The following ARHGEF28 variants were observed in gnomAD, a reference collection of about 807,000 sequenced individuals.
ARHGEF28 encodes Rho guanine nucleotide exchange factor 28.
ARHGEF28 carries 152 observed loss-of-function variants against 206.6 expected under a neutral mutation model. That is an observed-to-expected ratio of 0.74 (90% CI 0.64 to 0.84). ARHGEF28 has a LOEUF of 0.84. Among genes scored for constraint, ARHGEF28 ranks in the 40% least tolerant of loss-of-function variants. The pLI is 0.00. For synonymous variants in ARHGEF28, 763 were observed against 776.4 expected (o/e 0.98, Z 0.29); for missense variants, 2,028 against 2,073.2 (o/e 0.98, Z 0.42).
In ARHGEF28 at chr5:73,858,488, C is replaced by T. The variant is rs1759193263; in HGVS notation, c.2047+269C>T. ...TTACATCTCCCCATTCTGTGCTCAC[C>T]TAAAAGCTGATGCTCTCGGCCTTTA... On this transcript the variant is annotated intron_variant, in intron 16 of 35. Coordinates refer to ENST00000513042, the MANE Select transcript of ARHGEF28 (RefSeq NM_001177693.2). Among the ~76,000 whole-genome samples, 3 of 152,226 alleles carry T rather than the reference C, an allele frequency of 2.0e-5. No homozygotes were observed. In the South Asian group the frequency reaches 6.2e-4, roughly 32 times the overall value.
intron 9 of ARHGEF28, among the ~76,000 whole-genome samples, chr5:73,818,715 C>A (rs1306023477): frequency 6.6e-6 from 1 of 152,198 alleles, no homozygotes; most frequent in Non-Finnish European, 1.5e-5. Flanking sequence ...TAGTTGCATA[C>A]CCTCAAAGCT....
intron 9 of ARHGEF28, among the ~76,000 whole-genome samples, chr5:73,798,948 G>A (rs568394804): frequency 3.9e-5 from 6 of 152,188 alleles, no homozygotes; most frequent in South Asian, 4.1e-4. Context: ...TTAGCCAGGC[G>A]TGGTGGCGCA....
At chr5:73,741,345 G>C (rs1387566725) in intron 2 of ARHGEF28, among the ~76,000 whole-genome samples, 6 of 36,906 alleles carry the variant, frequency 1.6e-4, no homozygotes, top group African/African-American at 6.1e-4. Context: ...ATTTATATGT[G>C]TGTGTGTGTG....
intron 35 of ARHGEF28, among the ~76,000 whole-genome samples, chr5:73,934,422 T>A (rs1186436796): frequency 6.6e-6 from 1 of 152,266 alleles, no homozygotes; most frequent in African/African-American, 2.4e-5. Flanking sequence ...CTTGATCTGT[T>A]GTAAAGTTTC....
chr5:73,771,848 A>G (rs1320124650), intron 4 of ARHGEF28, among the ~76,000 whole-genome samples: 2 of 152,216 alleles, frequency 1.3e-5, no homozygotes, highest in Non-Finnish European at 2.9e-5. Flanking sequence ...AATAGCTAAC[A>G]TAGTTTTTTA....
intron 24 of ARHGEF28, 92 bp downstream of exon 24, chr5:73,883,976 T>A (rs1761111936): frequency 1.6e-6 from 1 of 635,026 alleles, no homozygotes; most frequent in African/African-American, 2.0e-5. Flanking sequence ...GTTTGTGGTC[T>A]CTGATTCATA....
intron 21 of ARHGEF28, among the ~76,000 whole-genome samples, chr5:73,872,563 TTTC>T (rs1404039115): frequency 1.3e-5 from 2 of 152,202 alleles, no homozygotes; most frequent in African/African-American, 4.8e-5. Context: ...ATTGAAGAAC[TTTC>T]TTTAGTTCCA....
At chr5:73,764,857 T>C (rs1006725234) in intron 4 of ARHGEF28, among the ~76,000 whole-genome samples, 7 of 152,220 alleles carry the variant, frequency 4.6e-5, no homozygotes, top group Non-Finnish European at 1.0e-4. Flanking sequence ...GAGCTCTGAG[T>C]AGGCTGTGTA....
intron 22 of ARHGEF28, among the ~76,000 whole-genome samples, chr5:73,880,637 G>T (rs186831382): frequency 6.6e-6 from 1 of 152,262 alleles, no homozygotes; most frequent in East Asian, 1.9e-4. Context: ...TTTTAAAAAA[G>T]GATTTACAGT....
chr5:73,808,635 A>G (rs1755653492), intron 9 of ARHGEF28, among the ~76,000 whole-genome samples: 1 of 152,226 alleles, frequency 6.6e-6, no homozygotes, highest in Non-Finnish European at 1.5e-5. Context: ...GATGAAGCAT[A>G]TATTTAAGTT....
At chr5:73,904,611 C>T (rs1431982791) in intron 33 of ARHGEF28, 1 of 566,236 alleles carries the variant, frequency 1.8e-6, no homozygotes, top group Non-Finnish European at 3.1e-6. Context: ...CCATTCTTCT[C>T]TGAAATCATA....
chr5:73,770,491 C>T (rs575887705), intron 4 of ARHGEF28, among the ~76,000 whole-genome samples: 1 of 152,308 alleles, frequency 6.6e-6, no homozygotes, highest in South Asian at 2.1e-4. Flanking sequence ...TACATTAGTT[C>T]AAATAACTCC....
chr5:73,711,820 A>T (rs1202263573), intron 2 of ARHGEF28, among the ~76,000 whole-genome samples: 1 of 148,644 alleles, frequency 6.7e-6, no homozygotes, highest in Admixed American at 6.7e-5. Flanking sequence ...TCTTTGTGCC[A>T]TTTTTTTCCA....
chr5:73,698,333 A>C (rs1039661370), intron 2 of ARHGEF28, among the ~76,000 whole-genome samples: 3 of 152,284 alleles, frequency 2.0e-5, no homozygotes, highest in Admixed American at 1.3e-4. Context: ...CACCAAGAAC[A>C]CTTTGGATAA....
chr5:73,710,292 TC>T (rs1444846517), intron 2 of ARHGEF28, among the ~76,000 whole-genome samples: 13 of 152,310 alleles, frequency 8.5e-5, no homozygotes, highest in Admixed American at 2.0e-4. Context: ...AATTTGCACT[TC>T]CCTAGTGAAC....
chr5:73,885,399 T>C (rs1177043882), intron 24 of ARHGEF28, among the ~76,000 whole-genome samples: 1 of 152,094 alleles, frequency 6.6e-6, no homozygotes, highest in East Asian at 1.9e-4. Context: ...CATTTAATCA[T>C]GCAAACCTTT....
chr5:73,740,176 C>CA (rs550677123), intron 2 of ARHGEF28, among the ~76,000 whole-genome samples: 1,107 of 85,792 alleles, frequency 0.013, 14 homozygotes, highest in African/African-American at 0.03. Flanking sequence ...GAACCTATCT[C>CA]AAAAAAAAAA....
intron 35 of ARHGEF28, among the ~76,000 whole-genome samples, chr5:73,912,041 A>G (rs146679329): frequency 1.4e-3 from 208 of 152,184 alleles, no homozygotes; most frequent in African/African-American, 4.8e-3. Context: ...TAAACACCCA[A>G]AATGAAACTG....
intron 4 of ARHGEF28, among the ~76,000 whole-genome samples, chr5:73,773,056 A>G (rs1753311963): frequency 6.6e-6 from 1 of 152,238 alleles, no homozygotes; most frequent in South Asian, 2.1e-4. Context: ...CAAACCGTAG[A>G]GATTTTAACA....
Sources: allele counts gnomAD v4.1 joint callset (sites outside exome capture counted in the v4.1 genomes callset), GRCh38; gene constraint gnomAD v4.1.1; transcripts MANE v1.5; gene names NCBI Gene and HGNC (gene_info 2026-07-23, HGNC 2026-07-21).